The following DLGAP3 variants were observed in gnomAD, a reference collection of about 807,000 sequenced individuals.
DLGAP3 encodes DLG associated protein 3.
A neutral mutation model predicts 81.2 loss-of-function variants in DLGAP3; 17 were observed. The ratio of observed to expected loss-of-function variants is 0.21; its 90% CI spans 0.14 to 0.31. The LOEUF (loss-of-function observed/expected upper bound fraction) is 0.31. Ranked by LOEUF, DLGAP3 falls within the 10% of genes least tolerant of loss-of-function variation. DLGAP3 has a pLI of 1.00. For missense variants in DLGAP3, 1,124 were observed against 1,388.0 expected, an observed-to-expected ratio of 0.81 and a Z score of 3.02; for synonymous variants, 577 against 587.4, an observed-to-expected ratio of 0.98 and a Z score of 0.26.
At chr1:34,924,531 G>C (rs189826850) in intron 1 of DLGAP3, among the ~76,000 whole-genome samples, 19 of 152,270 alleles carry the variant, frequency 1.2e-4, no homozygotes, top group Non-Finnish European at 2.5e-4. Context: ...AAGTTATCCT[G>C]AACTCCTGAG....
At chr1:34,926,364 G>A (rs1471124976) in intron 1 of DLGAP3, among the ~76,000 whole-genome samples, 2 of 152,188 alleles carry the variant, frequency 1.3e-5, no homozygotes, top group Non-Finnish European at 2.9e-5. Flanking sequence ...TTACCATAAC[G>A]ATGGTGCCAC....
intron 2 of DLGAP3, among the ~76,000 whole-genome samples, chr1:34,906,723 G>A (rs1344698629): frequency 6.6e-6 from 1 of 152,186 alleles, no homozygotes; most frequent in Non-Finnish European, 1.5e-5. Flanking sequence ...GAACCCAGGA[G>A]TTCCTCCTCC....
chr1:34,891,063 A>C (rs1021026654), intron 5 of DLGAP3, among the ~76,000 whole-genome samples: 2 of 152,250 alleles, frequency 1.3e-5, no homozygotes, highest in African/African-American at 4.8e-5. Flanking sequence ...CTGAGAACAG[A>C]AGAAAATACG....
At position 34,886,274 on chromosome 1, in the gene DLGAP3, C is replaced by T. The variant is rs139330806; in HGVS notation, c.1398G>A (p.Glu466=). The T allele has an allele frequency of 3.6e-5, 57 of 1,596,900 alleles. No individual in the cohort carries two copies. Among genetic ancestry groups the T allele is most frequent in the Non-Finnish European group, 4.3e-5 (50 of 1,171,522 alleles). Residue 466 remains glutamate (E), a synonymous_variant, in exon 6 of 12, where the codon GAG becomes GAA. Transcript: ENST00000373347. ...ACACGGCCTCCAGCTGCTGGTTCAA[C>T]TCATCGCTGAGCTGGGGGGCAGGGG... ...RSLTTGQLSD[E]LNQQLEAVCG... is the part of the protein sequence containing the mutation.
chr1:34,916,922 C>T (rs1001663046), intron 1 of DLGAP3, among the ~76,000 whole-genome samples: 1 of 152,198 alleles, frequency 6.6e-6, no homozygotes, highest in South Asian at 2.1e-4. Flanking sequence ...TGGTCTCGGT[C>T]TCCCTGACCT....
chr1:34,914,634 C>T (rs1639689464), intron 1 of DLGAP3, among the ~76,000 whole-genome samples: 1 of 152,158 alleles, frequency 6.6e-6, no homozygotes, highest in Admixed American at 6.5e-5. Context: ...CAAATGGGAG[C>T]AAGAGTAGTC....
rs866401624 is a variant in DLGAP3, at chr1:34,908,760, C to T, written c.-134-1323G>A. Reference sequence around the variant, plus strand: ...CCATAGAGGACAAGGTGAGACATACCCAGCCCCTGGCCCACCCTGGAGCCT... The same window carrying T: ...CCATAGAGGACAAGGTGAGACATACTCAGCCCCTGGCCCACCCTGGAGCCT... On this transcript the variant is annotated intron_variant, in intron 1 of 11. Transcript: ENST00000373347. 9.2e-5 allele frequency among the ~76,000 whole-genome samples: 14 copies of T among 152,050 alleles called. 1 individual carries two copies. Among genetic ancestry groups the T allele is most frequent in the Admixed American group, 2.0e-4 (3 of 15,268 alleles).
Position 34,893,045 on chromosome 1 carries a change from G to A in DLGAP3, c.1386+6624C>T, listed in dbSNP as rs570623926. Among the ~76,000 whole-genome samples the A allele has an allele frequency of 6.6e-4, 100 of 151,750 alleles. 1 individual carries two copies. In the South Asian group the frequency reaches 0.017, roughly 25 times the overall value. Reference sequence around the variant, plus strand: ...AAATTAGCCGGGCGCGGTGGCGGGCGCCTGTAGTCCCAGCTACTCGGGAGG... The same window carrying A: ...AAATTAGCCGGGCGCGGTGGCGGGCACCTGTAGTCCCAGCTACTCGGGAGG... On this transcript the variant is annotated intron_variant, in intron 5 of 11. Coordinates refer to ENST00000373347, the MANE Select transcript of DLGAP3 (RefSeq NM_001080418.3).
chr1:34,871,881 T>C (rs1638985652), intron 8 of DLGAP3, among the ~76,000 whole-genome samples: 1 of 152,172 alleles, frequency 6.6e-6, no homozygotes, highest in South Asian at 2.1e-4. Context: ...CTCTCTCACA[T>C]GTCTGCCTCA....
chr1:34,919,973 G>T (rs1484334233), intron 1 of DLGAP3, among the ~76,000 whole-genome samples: 1 of 152,128 alleles, frequency 6.6e-6, no homozygotes. Context: ...CACCACCAGG[G>T]TAGAGGACCA....
At chr1:34,886,641 A>G (rs1366300943) in intron 5 of DLGAP3, among the ~76,000 whole-genome samples, 1 of 151,028 alleles carries the variant, frequency 6.6e-6, no homozygotes, top group African/African-American at 2.4e-5. Context: ...CTCTCACCTG[A>G]CCCCAACAGA....
chr1:34,868,457 C>G lies in DLGAP3; in HGVS notation c.2485+148G>C. ...AGCATGTCTTGCTGCCGATGTTGACCCGCCACGCTCCAGTGCAGAAGACCA... is the reference window on the plus strand; with the variant it reads ...AGCATGTCTTGCTGCCGATGTTGACGCGCCACGCTCCAGTGCAGAAGACCA... On this transcript the variant is annotated intron_variant, in intron 9 of 11. Coordinates refer to ENST00000373347, the MANE Select transcript of DLGAP3 (RefSeq NM_001080418.3). This position sits in a 1 kb window ranked among gnomAD's most constrained non-coding sequence, Gnocchi z 7.5. 1 of 719,352 alleles carries G rather than the reference C, an allele frequency of 1.4e-6. No homozygotes were observed. The highest frequency in any genetic ancestry group is 1.5e-5 in the South Asian group (1 of 67,676). 44.6% of individuals were successfully genotyped at this position (719,352 alleles called of 1,614,324 possible). A position where few individuals can be genotyped will look rare whatever the true frequency, so the allele number is the denominator to read the frequency against.
chr1:34,867,739 A>C lies in DLGAP3; in HGVS notation c.2486-112T>G. ...CTCGGTTGCTTGGCACTGTGTATCC[A>C]TCAGTCTCCTCCAGCCCCAGCCCCA... On this transcript the variant is annotated intron_variant, in intron 9 of 11. Transcript: ENST00000373347. This position sits in a 1 kb window ranked among gnomAD's most constrained non-coding sequence, Gnocchi z 4.3. The C allele has an allele frequency of 2.3e-6, 2 of 853,006 alleles. No individual in the cohort carries two copies. Among genetic ancestry groups the C allele is most frequent in the East Asian group, 4.9e-5 (2 of 40,480 alleles). 52.8% of individuals were successfully genotyped at this position (853,006 alleles called of 1,614,324 possible).
chr1:34,885,171 C>T, intron 7 of DLGAP3, 108 bp from the exon 8 acceptor site: 1 of 1,080,728 alleles, frequency 9.3e-7, no homozygotes, highest in African/African-American at 1.5e-5. Context: ...GCAGGTCCTG[C>T]AAAGACCATC....
chr1:34,912,620 G>A (rs1468104074), intron 1 of DLGAP3, among the ~76,000 whole-genome samples: 1 of 152,186 alleles, frequency 6.6e-6, no homozygotes, highest in African/African-American at 2.4e-5. Flanking sequence ...CTTCCAGCAA[G>A]TGAGGCCTAG....
Position 34,868,741 on chromosome 1 carries a change from G to C in DLGAP3, c.2349C>G (p.Pro783=). ...GGCAGGGGGATGCGCGGCCTGAGTC[G>C]GGGAGGCTACGTGAACCGCGCTCTA... ...SWIERGSRSL[P]DSGRASPCPR... The change falls in exon 9 of 12, where the codon CCC becomes CCG. Residue 783 remains proline (P), a synonymous_variant. Coordinates refer to ENST00000373347, the MANE Select transcript of DLGAP3 (RefSeq NM_001080418.3). This position sits in a 1 kb window ranked among gnomAD's most constrained non-coding sequence, Gnocchi z 7.5. 1.2e-6 allele frequency: 2 copies of C among 1,608,514 alleles called. No homozygotes were observed. The highest frequency in any genetic ancestry group is 1.7e-6 in the Non-Finnish European group (2 of 1,179,896).
intron 1 of DLGAP3, among the ~76,000 whole-genome samples, chr1:34,910,448 G>C (rs1244185379): frequency 6.6e-6 from 1 of 152,172 alleles, no homozygotes; most frequent in Non-Finnish European, 1.5e-5. Flanking sequence ...TTGGTTTATT[G>C]ATGTTCTTAG....
intron 2 of DLGAP3, 80 bp downstream of exon 2, chr1:34,907,275 T>C (rs527628720): frequency 2.6e-5 from 4 of 152,672 alleles, no homozygotes; most frequent in African/African-American, 9.6e-5. Flanking sequence ...ATGAGTCACT[T>C]TGAATCAAGA....
At chr1:34,925,908 A>G (rs1639865792) in intron 1 of DLGAP3, among the ~76,000 whole-genome samples, 1 of 152,162 alleles carries the variant, frequency 6.6e-6, no homozygotes, top group African/African-American at 2.4e-5. Context: ...CCCCACCCAC[A>G]TACCTGGACA....
Sources: allele counts gnomAD v4.1 joint callset (sites outside exome capture counted in the v4.1 genomes callset), GRCh38; gene constraint gnomAD v4.1.1; non-coding constraint Gnocchi (gnomAD v3.1); transcripts MANE v1.5; gene names NCBI Gene and HGNC (gene_info 2026-07-23, HGNC 2026-07-21).